CDYL: variants seen among roughly 807,000 people sequenced by gnomAD.
CDYL encodes the protein chromodomain Y like.
CDYL carries 8 observed loss-of-function variants against 47.3 expected under a neutral mutation model. That is an observed-to-expected ratio of 0.17 (90% CI 0.10 to 0.31). The LOEUF (loss-of-function observed/expected upper bound fraction) is 0.31. Among genes scored for constraint, CDYL ranks in the 10% least tolerant of loss-of-function variants. The pLI, the probability that CDYL is intolerant of heterozygous loss-of-function variation, is 1.00. For missense variants in CDYL, 471 were observed against 701.4 expected (o/e 0.67, Z 3.71); for synonymous variants, 266 against 265.0 (o/e 1.00, Z -0.04).
intron 3 of CDYL, among the ~76,000 whole-genome samples, chr6:4,749,000 C>T (rs1045426541): frequency 4.6e-5 from 7 of 152,222 alleles, no homozygotes; most frequent in Admixed American, 1.3e-4. Context: ...AGTGACTCCC[C>T]TGTAGACACA....
chr6:4,905,264 C>G (rs1033408805), intron 2 of CDYL, among the ~76,000 whole-genome samples: 1 of 152,170 alleles, frequency 6.6e-6, no homozygotes, highest in African/African-American at 2.4e-5. Flanking sequence ...TAAACCCACT[C>G]AGGAATTCTC....
At chr6:4,819,986 G>A (rs1036571460) in intron 1 of CDYL, among the ~76,000 whole-genome samples, 3 of 152,188 alleles carry the variant, frequency 2.0e-5, no homozygotes, top group African/African-American at 7.2e-5. Flanking sequence ...AGCAGGACAA[G>A]AGTTGTTAAG....
chr6:4,799,854 G>A lies in CDYL; in HGVS notation c.24+23047G>A, dbSNP rs114018998. On this transcript the variant is annotated intron_variant, in intron 1 of 6. Transcript: ENST00000397588. Reference sequence around the variant, plus strand: ...TTGGTTGTTTCTGTTTCTGTTTCACGTATTTTGAAGCTGTCATTAGATGGA... The same window carrying A: ...TTGGTTGTTTCTGTTTCTGTTTCACATATTTTGAAGCTGTCATTAGATGGA... Among the ~76,000 whole-genome samples the A allele has an allele frequency of 2.7e-3, 413 of 152,236 alleles. 3 individuals are homozygous for A. Among genetic ancestry groups the A allele is most frequent in the Admixed American group, 4.2e-3 (64 of 15,288 alleles).
rs771312380 is a variant in CDYL, at chr6:4,891,890, T to C, written c.202T>C (p.Leu68=). ...RHTEKQKEST[L]TRTNRTSPNN... is the part of the protein sequence containing the mutation. ...CACGGAGAAGCAGAAGGAGAGCACATTGACCAGAACAAACAGGACCTCTCC... is the reference window on the plus strand; with the variant it reads ...CACGGAGAAGCAGAAGGAGAGCACACTGACCAGAACAAACAGGACCTCTCC... The change falls in exon 2 of 7, where the codon TTG becomes CTG. Residue 68 remains leucine, a synonymous_variant. Coordinates refer to ENST00000397588, the MANE Select transcript of CDYL (RefSeq NM_004824.4). The C allele has an allele frequency of 2.3e-5, 37 of 1,613,900 alleles. No homozygotes were observed. In the Admixed American group the frequency reaches 3.0e-4, roughly 13 times the overall value.
chr6:4,819,350 G>A (rs1759769411), intron 1 of CDYL, among the ~76,000 whole-genome samples: 1 of 151,988 alleles, frequency 6.6e-6, no homozygotes, highest in African/African-American at 2.4e-5. Context: ...GTCAATCATT[G>A]GTTCTCAAGC....
intron 1 of CDYL, among the ~76,000 whole-genome samples, chr6:4,809,140 A>C (rs1759454740): frequency 1.3e-5 from 2 of 152,224 alleles, no homozygotes; most frequent in Admixed American, 6.5e-5. Context: ...ATCAACAGAT[A>C]CATATGTATT....
intron 1 of CDYL, among the ~76,000 whole-genome samples, chr6:4,850,711 C>T (rs2127463181): frequency 6.6e-6 from 1 of 152,162 alleles, no homozygotes; most frequent in African/African-American, 2.4e-5. Flanking sequence ...TCGTGAAAGC[C>T]ACGCACTAGA....
At chr6:4,718,945 CAG>C (rs779988096) in intron 2 of CDYL, among the ~76,000 whole-genome samples, 31 of 150,556 alleles carry the variant, frequency 2.1e-4, no homozygotes, top group Non-Finnish European at 3.5e-4. Context: ...TCTTTTCAGA[CAG>C]AGTTTTGCTC....
intron 1 of CDYL, among the ~76,000 whole-genome samples, chr6:4,795,196 G>A (rs1164110479): frequency 6.6e-6 from 1 of 151,696 alleles, no homozygotes; most frequent in Non-Finnish European, 1.5e-5. Context: ...AGCTTGTGAA[G>A]AGTTTTAAAT....
chr6:4,826,730 A>G (rs1407342384), intron 1 of CDYL, among the ~76,000 whole-genome samples: 1 of 152,214 alleles, frequency 6.6e-6, no homozygotes, highest in African/African-American at 2.4e-5. Context: ...CAATTTCTTA[A>G]AATGTGAGAC....
intron 3 of CDYL, among the ~76,000 whole-genome samples, chr6:4,736,668 T>C (rs2127415628): frequency 6.6e-6 from 1 of 152,194 alleles, no homozygotes; most frequent in East Asian, 1.9e-4. Flanking sequence ...GCTTTTTTTT[T>C]TTTCTGCTAC....
At chr6:4,808,630 A>G (rs1032181477) in intron 1 of CDYL, among the ~76,000 whole-genome samples, 27 of 152,226 alleles carry the variant, frequency 1.8e-4, no homozygotes, top group African/African-American at 6.5e-4. Context: ...CTATTTGTTT[A>G]TATATCACGC....
At chr6:4,925,409 C>CTTTTTGTTTTTTTTTTT (rs1757837734) in intron 2 of CDYL, among the ~76,000 whole-genome samples, 1 of 109,246 alleles carries the variant, frequency 9.2e-6, no homozygotes, top group Non-Finnish European at 1.7e-5. Flanking sequence ...ATTCTTTTTT[C>CTTTTTGTTTTTTTTTTT]TTTTTTTTTT....
chr6:4,777,166 GGT>G (rs1758489211), intron 1 of CDYL, among the ~76,000 whole-genome samples: 1 of 146,858 alleles, frequency 6.8e-6, no homozygotes, highest in African/African-American at 2.6e-5. Context: ...CGGGGGGTGG[GGT>G]GTGGGGGGGT....
At chr6:4,797,895 G>T (rs1281340847) in intron 1 of CDYL, among the ~76,000 whole-genome samples, 1 of 152,162 alleles carries the variant, frequency 6.6e-6, no homozygotes, top group Non-Finnish European at 1.5e-5. Flanking sequence ...TCATGTAGAA[G>T]TTTTAGTATG....
chr6:4,921,390 CAA>C (rs1453102175), intron 2 of CDYL, among the ~76,000 whole-genome samples: 1 of 152,234 alleles, frequency 6.6e-6, no homozygotes, highest in Non-Finnish European at 1.5e-5. Context: ...CCAGAAGTAA[CAA>C]GAGGACTCTA....
At chr6:4,930,136 A>G (rs1157569699) in intron 2 of CDYL, among the ~76,000 whole-genome samples, 5 of 152,128 alleles carry the variant, frequency 3.3e-5, no homozygotes, top group East Asian at 3.9e-4. Context: ...ATTTGATGAA[A>G]TCTCTGCTCT....
intron 1 of CDYL, among the ~76,000 whole-genome samples, chr6:4,865,394 G>A (rs1761292686): frequency 6.6e-6 from 1 of 152,162 alleles, no homozygotes; most frequent in Non-Finnish European, 1.5e-5. Flanking sequence ...GGGGCTCCCT[G>A]CATCAGGCAT....
At chr6:4,927,718 C>T (rs1391363818) in intron 2 of CDYL, among the ~76,000 whole-genome samples, 1 of 152,118 alleles carries the variant, frequency 6.6e-6, no homozygotes, top group East Asian at 1.9e-4. Flanking sequence ...ACACACCCAA[C>T]ATTGTGTGTG....
Sources: gnomAD v4.1 joint callset for allele counts (sites outside exome capture counted in the v4.1 genomes callset) on GRCh38, gnomAD v4.1.1 for gene constraint, MANE v1.5 for transcripts, NCBI Gene and HGNC (gene_info 2026-07-23, HGNC 2026-07-21) for gene names.